KATNAL1: variants seen among roughly 807,000 people sequenced by gnomAD.
KATNAL1 encodes katanin catalytic subunit A1 like 1.
In KATNAL1, 32 loss-of-function variants were observed where a neutral mutation model predicts 55.2. The ratio of observed to expected loss-of-function variants is 0.58; its 90% CI spans 0.44 to 0.78. KATNAL1 has a LOEUF of 0.78. KATNAL1 is among the 30% of genes least tolerant of loss of function. KATNAL1 has a pLI of 0.00. For missense variants in KATNAL1, 466 were observed against 600.9 expected, an observed-to-expected ratio of 0.78 and a Z score of 2.35; for synonymous variants, 193 against 193.6, an observed-to-expected ratio of 1.00 and a Z score of 0.02.
chr13:30,218,432 G>C (rs8000819), intron 9 of KATNAL1, among the ~76,000 whole-genome samples: 31,224 of 151,850 alleles, frequency 0.21, 3,343 homozygotes, highest in Admixed American at 0.27. Context: ...AAGAACATTA[G>C]AACTCACTTG....
chr13:30,223,271 CTA>C (rs1875085737), intron 9 of KATNAL1, among the ~76,000 whole-genome samples: 1 of 141,064 alleles, frequency 7.1e-6, no homozygotes, highest in Admixed American at 6.8e-5. Context: ...AACTCCGTCT[CTA>C]CTACTAAAAA....
intron 2 of KATNAL1, among the ~76,000 whole-genome samples, chr13:30,281,353 G>C (rs1316345376): frequency 1.3e-5 from 2 of 152,046 alleles, no homozygotes; most frequent in Non-Finnish European, 2.9e-5. Flanking sequence ...ATATGCTATA[G>C]TGGAAGAAAT....
chr13:30,304,268 CTTT>C (rs35058135), intron 1 of KATNAL1, among the ~76,000 whole-genome samples: 7 of 140,010 alleles, frequency 5.0e-5, no homozygotes, highest in Non-Finnish European at 4.7e-5. Context: ...ACACACAACT[CTTT>C]TTTTTTTTTT....
chr13:30,221,405 G>C (rs1449797585), intron 9 of KATNAL1, among the ~76,000 whole-genome samples: 1 of 152,104 alleles, frequency 6.6e-6, no homozygotes, highest in Admixed American at 6.5e-5. Flanking sequence ...ACTATTTAAA[G>C]GAAAATACAT....
intron 6 of KATNAL1, among the ~76,000 whole-genome samples, chr13:30,237,795 GAAC>G (rs1456456716): frequency 6.6e-6 from 1 of 152,080 alleles, no homozygotes; most frequent in Non-Finnish European, 1.5e-5. Context: ...TCAACATCAA[GAAC>G]AATAAACCAG....
At chr13:30,272,892 T>G (rs2137511181) in intron 3 of KATNAL1, among the ~76,000 whole-genome samples, 1 of 152,356 alleles carries the variant, frequency 6.6e-6, no homozygotes, top group South Asian at 2.1e-4. Flanking sequence ...CAGATAGTCT[T>G]GCTTACATTT....
intron 3 of KATNAL1, among the ~76,000 whole-genome samples, chr13:30,273,313 C>T (rs1197078371): frequency 6.6e-6 from 1 of 152,204 alleles, no homozygotes. Context: ...CCCATTCCAT[C>T]ATTCTCTACC....
At position 30,205,122 on chromosome 13, in the gene KATNAL1, T is replaced by C. The variant is rs1053210855; in HGVS notation, c.*3418A>G. On this transcript the variant is annotated 3_prime_UTR_variant, in exon 11 of 11. Transcript: ENST00000380615. The stretch of plus-strand genomic sequence containing the variant: ...TACACATTATTCAAATAAATGTATA[T>C]CAGTTCTAATTTCAAAACAGATTTA... 1 of 152,176 alleles carries C rather than the reference T, an allele frequency of 6.6e-6. No homozygotes were observed. The highest frequency in any genetic ancestry group is 2.4e-5 in the African/African-American group (1 of 41,422). The allele number at this position is 152,176 out of a possible 1,614,324, so 9.4% of individuals were successfully genotyped here. A position where few individuals can be genotyped will look rare whatever the true frequency, so the allele number is the denominator to read the frequency against.
chr13:30,221,057 AATT>A (rs1187856773), intron 9 of KATNAL1, among the ~76,000 whole-genome samples: 12 of 152,334 alleles, frequency 7.9e-5, no homozygotes, highest in South Asian at 2.1e-4. Flanking sequence ...GACATTATTA[AATT>A]ATTAGAATAC....
rs61273904 is a variant in KATNAL1 at position 30,209,964 on chromosome 13, A to G, written c.1274+352T>C. On this transcript the variant is annotated intron_variant, in intron 10 of 10. Coordinates refer to ENST00000380615, the MANE Select transcript of KATNAL1 (RefSeq NM_032116.5). ...ACCTGGCTAATTTTTTGTATTTTTT[A>G]GTAGAGGCGGGGTTTCACCGTGTTA... is the stretch of plus-strand genomic sequence containing the variant. Among the ~76,000 whole-genome samples the G allele has an allele frequency of 2.0e-5, 3 of 152,014 alleles. No homozygotes were observed. The East Asian group carries it at 5.8e-4, about 29-fold the overall frequency.
intron 4 of KATNAL1, among the ~76,000 whole-genome samples, chr13:30,246,422 C>A (rs1275096381): frequency 6.6e-6 from 1 of 152,124 alleles, no homozygotes; most frequent in Non-Finnish European, 1.5e-5. Context: ...TAAACTAACA[C>A]CTAAAACCAT....
At chr13:30,266,252 T>A (rs867607716) in intron 3 of KATNAL1, among the ~76,000 whole-genome samples, 33 of 152,124 alleles carry the variant, frequency 2.2e-4, no homozygotes, top group Middle Eastern at 3.4e-3. Context: ...TCCGCCCACC[T>A]CGGCCTCCCA....
Position 30,255,552 on chromosome 13 carries a change from T to G in KATNAL1, c.387A>C (p.Gly129=). 1 of 1,587,482 alleles carries G rather than the reference T, an allele frequency of 6.3e-7. No individual in the cohort carries two copies. The highest frequency in any genetic ancestry group is 8.6e-7 in the Non-Finnish European group (1 of 1,167,188). ...EVRPLRKEMA[G]VGARGPVGRA... is the part of the protein sequence containing the mutation. Reference sequence around the variant, plus strand: ...GGCCTACAGGTCCCCGGGCTCCTACTCCTGCCATTTCTTTCCTCAGAGGTC... The same window carrying G: ...GGCCTACAGGTCCCCGGGCTCCTACGCCTGCCATTTCTTTCCTCAGAGGTC... Residue 129 remains glycine (G), a synonymous_variant, in exon 4 of 11, where the codon GGA becomes GGC. Transcript: ENST00000380615.
At position 30,213,453 on chromosome 13, in the gene KATNAL1, G is replaced by A. The variant is rs1010479745; in HGVS notation, c.1148-3011C>T. 4.0e-5 allele frequency among the ~76,000 whole-genome samples: 6 copies of A among 151,508 alleles called. No homozygotes were observed. In the South Asian group the frequency reaches 6.2e-4, roughly 16 times the overall value. Reference sequence around the variant, plus strand: ...CCAGCATCATCCTGATACCAAAGCCGGGCAGAGACACACCCAAAAAAGAGA... The same window carrying A: ...CCAGCATCATCCTGATACCAAAGCCAGGCAGAGACACACCCAAAAAAGAGA... On this transcript the variant is annotated intron_variant, in intron 9 of 10. Transcript: ENST00000380615.
Position 30,208,266 on chromosome 13 carries a change from T to C in KATNAL1, c.*274A>G, listed in dbSNP as rs1471567794. On this transcript the variant is annotated 3_prime_UTR_variant, in exon 11 of 11. Coordinates refer to ENST00000380615, the MANE Select transcript of KATNAL1 (RefSeq NM_032116.5). ...ATTCCTAAAATATCACACTGCGCCC[T>C]TGCTTCAGCCTCCCTGATAGACTGG... 1 of 302,864 alleles carries C rather than the reference T, an allele frequency of 3.3e-6. No homozygotes were observed. Among genetic ancestry groups the C allele is most frequent in the Non-Finnish European group, 6.0e-6 (1 of 165,796 alleles). The allele number at this position is 302,864 out of a possible 1,614,324, so 18.8% of individuals were successfully genotyped here.
At position 30,228,659 on chromosome 13, in the gene KATNAL1, C is replaced by T. The variant is rs1875757045; in HGVS notation, c.1013-1113G>A. ...ATGGTAAACTCACTGAGGGAAGGGT[C>T]TCATAGTACATTGTAAGTATTCAGT... On this transcript the variant is annotated intron_variant, in intron 8 of 10. Transcript: ENST00000380615. Among the ~76,000 whole-genome samples, 9 of 152,356 alleles carry T rather than the reference C, an allele frequency of 5.9e-5. No homozygotes were observed. In the South Asian group the frequency reaches 1.7e-3, roughly 28 times the overall value.
At chr13:30,293,170 G>A (rs944013081) in intron 1 of KATNAL1, among the ~76,000 whole-genome samples, 17 of 151,704 alleles carry the variant, frequency 1.1e-4, no homozygotes, top group African/African-American at 3.9e-4. Context: ...CTTTTATCCA[G>A]GAATTAGACT....
chr13:30,274,903 G>GTACA (rs1555265622), intron 3 of KATNAL1, among the ~76,000 whole-genome samples: 1 of 93,700 alleles, frequency 1.1e-5, no homozygotes, highest in Non-Finnish European at 2.4e-5. Context: ...GCGCGCGCGC[G>GTACA]CGCGCACACA....
chr13:30,279,727 T>TA (rs773598674), intron 3 of KATNAL1, among the ~76,000 whole-genome samples: 7 of 152,174 alleles, frequency 4.6e-5, no homozygotes, highest in East Asian at 1.9e-4. Context: ...TTGAAGTTGT[T>TA]AGAGTCTCCT....
Sources: allele counts gnomAD v4.1 joint callset (sites outside exome capture counted in the v4.1 genomes callset), GRCh38; gene constraint gnomAD v4.1.1; transcripts MANE v1.5; gene names NCBI Gene and HGNC (gene_info 2026-07-23, HGNC 2026-07-21).